SPATS2L: variants seen among roughly 807,000 people sequenced by gnomAD.
SPATS2L encodes SPATS2-like protein.
In SPATS2L, 30 loss-of-function variants were observed where a neutral mutation model predicts 59.6. The ratio of observed to expected loss-of-function variants is 0.50; its 90% confidence interval spans 0.38 to 0.68. The LOEUF (loss-of-function observed/expected upper bound fraction) is 0.68, where lower values mean the gene tolerates loss of function less well. Among genes scored for constraint, SPATS2L ranks in the 30% least tolerant of loss-of-function variants. The pLI is 0.00. For synonymous variants in SPATS2L, 252 were observed against 263.5 expected (o/e 0.96, Z 0.42); for missense variants, 615 against 700.0 (o/e 0.88, Z 1.37).
At chr2:200,416,779 T>C (rs1452377319) in intron 5 of SPATS2L, among the ~76,000 whole-genome samples, 1 of 152,150 alleles carries the variant, frequency 6.6e-6, no homozygotes, top group Non-Finnish European at 1.5e-5. Context: ...TTAAGGAGTA[T>C]TTTAAAGATA....
chr2:200,413,699 A>G (rs1031550208), intron 4 of SPATS2L, among the ~76,000 whole-genome samples: 8 of 152,206 alleles, frequency 5.3e-5, no homozygotes, highest in Non-Finnish European at 1.0e-4. Context: ...TTGAGTTTCT[A>G]AAAGTATAAT....
chr2:200,389,589 G>A (rs867752566), intron 3 of SPATS2L: 21 of 275,804 alleles, frequency 7.6e-5, no homozygotes, highest in South Asian at 1.1e-4. Context: ...CTAAGTTAAC[G>A]TAGCTGGTAA....
chr2:200,380,969 A>G (rs1441171932), intron 2 of SPATS2L, among the ~76,000 whole-genome samples: 1 of 152,202 alleles, frequency 6.6e-6, no homozygotes, highest in Non-Finnish European at 1.5e-5. Context: ...TGGAAATTAA[A>G]CCACAGAAAC....
At chr2:200,468,072 T>A (rs894414882) in intron 10 of SPATS2L, among the ~76,000 whole-genome samples, 29 of 151,698 alleles carry the variant, frequency 1.9e-4, no homozygotes, top group Non-Finnish European at 4.0e-4. Flanking sequence ...CACTAGACAC[T>A]CTCATGGGAC....
At chr2:200,392,700 T>C (rs1453638319) in intron 3 of SPATS2L, among the ~76,000 whole-genome samples, 1 of 152,156 alleles carries the variant, frequency 6.6e-6, no homozygotes, top group Non-Finnish European at 1.5e-5. Flanking sequence ...GGAGGGCCAA[T>C]TGTACTTGTG....
intron 4 of SPATS2L, among the ~76,000 whole-genome samples, chr2:200,412,763 A>C (rs11886823): frequency 6.9e-4 from 105 of 152,244 alleles, no homozygotes; most frequent in African/African-American, 2.3e-3. Context: ...TTAATATTAA[A>C]TGTGTCCTTG....
intron 1 of SPATS2L, among the ~76,000 whole-genome samples, chr2:200,311,766 A>C (rs978944640): frequency 6.6e-6 from 1 of 152,200 alleles, no homozygotes; most frequent in Non-Finnish European, 1.5e-5. Flanking sequence ...ATAGCCTAGC[A>C]GGAAAAAATA....
At chr2:200,386,693 ATG>A (rs1177522386) in intron 2 of SPATS2L, among the ~76,000 whole-genome samples, 1 of 152,212 alleles carries the variant, frequency 6.6e-6, no homozygotes, top group African/African-American at 2.4e-5. Flanking sequence ...GCAAAATTAG[ATG>A]TGTCCAGAAG....
At chr2:200,335,974 G>A (rs911253656) in intron 2 of SPATS2L, among the ~76,000 whole-genome samples, 6 of 152,134 alleles carry the variant, frequency 3.9e-5, no homozygotes, top group African/African-American at 9.7e-5. Flanking sequence ...TGTTCCATCT[G>A]TCTTTGTTAT....
At chr2:200,422,388 T>A (rs769792401) in intron 6 of SPATS2L, among the ~76,000 whole-genome samples, 1 of 152,052 alleles carries the variant, frequency 6.6e-6, no homozygotes, top group East Asian at 1.9e-4. Context: ...AATACAAAAA[T>A]TAGCTGGGCC....
chr2:200,439,036 A>G, intron 6 of SPATS2L, 86 bp from the exon 7 acceptor site: 1 of 1,189,038 alleles, frequency 8.4e-7, no homozygotes, highest in Non-Finnish European at 1.2e-6. Flanking sequence ...TGTAAACAAA[A>G]ACAAAAATCT....
At chr2:200,443,145 A>G (rs759261084) in intron 8 of SPATS2L, among the ~76,000 whole-genome samples, 4 of 152,204 alleles carry the variant, frequency 2.6e-5, no homozygotes, top group Non-Finnish European at 2.9e-5. Flanking sequence ...TGCCTGCCAA[A>G]CAGAAAAACC....
chr2:200,397,279 A>G, intron 3 of SPATS2L, among the ~76,000 whole-genome samples: 1 of 152,230 alleles, frequency 6.6e-6, no homozygotes, highest in East Asian at 1.9e-4. Context: ...GGCAGCAGGA[A>G]GAAGTAACTT....
Position 200,479,647 on chromosome 2 carries a change from T to G in SPATS2L, c.*1616T>G. 1 of 398,636 alleles carries G rather than the reference T, an allele frequency of 2.5e-6. No homozygotes were observed. The highest frequency in any genetic ancestry group is 4.4e-6 in the Non-Finnish European group (1 of 226,056). 24.7% of individuals were successfully genotyped at this position (398,636 alleles called of 1,614,324 possible). A position where few individuals can be genotyped will look rare whatever the true frequency, so the allele number is the denominator to read the frequency against. ...CAGGGCAGTCCAGTTTGGGTGCCGC[T>G]TCCGTTGCACTCACATGTCCTACAT... is the stretch of plus-strand genomic sequence containing the variant. On this transcript the variant is annotated 3_prime_UTR_variant, in exon 13 of 13. Coordinates refer to ENST00000409140, the MANE Select transcript of SPATS2L (RefSeq NM_001100423.2).
At chr2:200,360,328 T>C (rs1338169873) in intron 2 of SPATS2L, among the ~76,000 whole-genome samples, 1 of 152,230 alleles carries the variant, frequency 6.6e-6, no homozygotes, top group Admixed American at 6.5e-5. Context: ...CAGCTTTCTT[T>C]CTGATAAAAG....
intron 3 of SPATS2L, among the ~76,000 whole-genome samples, chr2:200,396,771 A>C (rs1001299964): frequency 2.0e-5 from 3 of 152,250 alleles, no homozygotes; most frequent in Admixed American, 6.5e-5. Context: ...AAAAATTTGC[A>C]GGAGTGTAGA....
At chr2:200,381,251 T>C (rs1167007655) in intron 2 of SPATS2L, among the ~76,000 whole-genome samples, 2 of 152,136 alleles carry the variant, frequency 1.3e-5, no homozygotes, top group African/African-American at 4.8e-5. Flanking sequence ...AAAAGTGACC[T>C]GTACAGAGAA....
At chr2:200,389,326 G>C (rs3820881) in intron 3 of SPATS2L, 43 bp downstream of exon 3, 1,131,171 of 1,401,084 alleles carry the variant, frequency 0.81, 462,109 homozygotes, top group South Asian at 0.9. Context: ...CTCCAAACTA[G>C]GTAATGCAGT....
chr2:200,469,313 C>A (rs1041249018), intron 10 of SPATS2L, among the ~76,000 whole-genome samples: 8 of 152,218 alleles, frequency 5.3e-5, no homozygotes. Flanking sequence ...GCTAAACTCC[C>A]TGGTAAACTC....
Sources: allele counts gnomAD v4.1 joint callset (sites outside exome capture counted in the v4.1 genomes callset), GRCh38; gene constraint gnomAD v4.1.1; transcripts MANE v1.5; gene names NCBI Gene and HGNC (gene_info 2026-07-23, HGNC 2026-07-21).